TOR3A: variants seen among roughly 807,000 people sequenced by gnomAD.
The protein encoded by TOR3A is torsin-3A.
TOR3A carries 44 observed loss-of-function variants against 42.1 expected under a neutral mutation model. The ratio of observed to expected loss-of-function variants is 1.04; its 90% CI spans 0.82 to 1.34. The LOEUF (loss-of-function observed/expected upper bound fraction) is 1.34, where lower values mean the gene tolerates loss of function less well. Among genes scored for constraint, TOR3A ranks in the 40% most tolerant of loss-of-function variants. TOR3A has a pLI of 0.00. For missense variants in TOR3A, 521 were observed against 507.6 expected, an observed-to-expected ratio of 1.03 and a Z score of -0.25; for synonymous variants, 227 against 213.2, an observed-to-expected ratio of 1.06 and a Z score of -0.57.
chr1:179,087,742 G>A (rs1384444385), intron 3 of TOR3A, among the ~76,000 whole-genome samples, 169 bp from the exon 4 acceptor site: 3 of 145,966 alleles, frequency 2.1e-5, no homozygotes, highest in East Asian at 2.2e-4. Context: ...AGATGCAAAT[G>A]TCCTAGGCCC....
intron 4 of TOR3A, among the ~76,000 whole-genome samples, chr1:179,089,763 A>C (rs1652527186): frequency 6.6e-6 from 1 of 152,004 alleles, no homozygotes; most frequent in African/African-American, 2.4e-5. Flanking sequence ...AGTCCTTCCC[A>C]CGGCACGGAG....
chr1:179,083,040 C>T lies in TOR3A; in HGVS notation c.360C>T (p.Ser120=), dbSNP rs749469176. Residue 120 remains serine (S), a synonymous_variant, in exon 2 of 6, where the codon TCC becomes TCT. Coordinates refer to ENST00000367627, the MANE Select transcript of TOR3A (RefSeq NM_022371.4). ...DCCPRGDCRI[S]NNFTGLEWDL... ...GCCCTAGAGGGGATTGCAGAATCTCCAACAACTTTACAGGTTGGACCCCGC... is the reference window on the plus strand; with the variant it reads ...GCCCTAGAGGGGATTGCAGAATCTCTAACAACTTTACAGGTTGGACCCCGC... 41 of 1,549,446 alleles carry T rather than the reference C, an allele frequency of 2.6e-5. No homozygotes were observed. The highest frequency in any genetic ancestry group is 3.3e-5 in the Non-Finnish European group (38 of 1,148,126).
rs138931724 is a variant in TOR3A at position 179,087,961 on chromosome 1, C to T, written c.690C>T (p.Thr230=). 5.0e-6 allele frequency: 8 copies of T among 1,611,942 alleles called. No homozygotes were observed. Among genetic ancestry groups the T allele is most frequent in the Middle Eastern group, 1.7e-4 (1 of 6,056 alleles). Residue 230 remains threonine, a synonymous_variant, in exon 4 of 6, where the codon ACC becomes ACT. Transcript: ENST00000367627. ...IRETQQLCHQ[T]LFIFDEAEKL... The stretch of plus-strand genomic sequence containing the variant: ...AGACGCAGCAGCTCTGCCACCAGAC[C>T]CTGTTCATCTTCGATGAAGCGGAGA...
At position 179,095,830 on chromosome 1, in the gene TOR3A, A is replaced by AAAAGT. The variant is rs1005369475; in HGVS notation, c.*614_*618dup. The AAAAGT allele has an allele frequency of 2.3e-5, 23 of 986,622 alleles. No individual in the cohort carries two copies. Among genetic ancestry groups the AAAAGT allele is most frequent in the East Asian group, 1.1e-4 (1 of 8,824 alleles). The allele number at this position is 986,622 out of a possible 1,614,324, so 61.1% of individuals were successfully genotyped here. A position where few individuals can be genotyped will look rare whatever the true frequency, so the allele number is the denominator to read the frequency against. On this transcript the variant is annotated 3_prime_UTR_variant, in exon 6 of 6. Coordinates refer to ENST00000367627, the MANE Select transcript of TOR3A (RefSeq NM_022371.4). ...CAGCCAAGAGCCTGAGGCTGAAGGG[A>AAAAGT]AAAGTACACAGAGGAAGATATTTTA...
chr1:179,092,810 C>T (rs868867218), intron 4 of TOR3A, among the ~76,000 whole-genome samples: 7 of 151,930 alleles, frequency 4.6e-5, no homozygotes, highest in Middle Eastern at 3.4e-3. Flanking sequence ...CACTGCACTC[C>T]AGCCTGGGCA....
rs768567793 is a variant in TOR3A, at chr1:179,082,088, C to G, written c.-41C>G. 2.1e-6 allele frequency: 3 copies of G among 1,429,562 alleles called. No homozygotes were observed. Among genetic ancestry groups the G allele is most frequent in the Non-Finnish European group, 2.7e-6 (3 of 1,103,992 alleles). The allele number at this position is 1,429,562 out of a possible 1,614,324, so 88.6% of individuals were successfully genotyped here. ...CCGCCCCGGGCTTAAGGGAGCCTGG[C>G]TAGGCCGGCAGCCGGATGGTCCCGC... On this transcript the variant is annotated 5_prime_UTR_variant, in exon 1 of 6. Coordinates refer to ENST00000367627, the MANE Select transcript of TOR3A (RefSeq NM_022371.4).
intron 4 of TOR3A, among the ~76,000 whole-genome samples, chr1:179,089,964 C>T (rs1246555361): frequency 2.6e-5 from 4 of 152,290 alleles, no homozygotes; most frequent in Admixed American, 6.5e-5. Flanking sequence ...TAACGTGACC[C>T]GGTGACCCTG....
chr1:179,090,820 T>C (rs905545454), intron 4 of TOR3A, among the ~76,000 whole-genome samples: 1 of 152,256 alleles, frequency 6.6e-6, no homozygotes, highest in Admixed American at 6.5e-5. Flanking sequence ...CGATCGGAGC[T>C]GCTGCCCTGT....
At chr1:179,094,068 G>A in intron 4 of TOR3A, 25 bp from the exon 5 acceptor site, 1 of 1,607,734 alleles carries the variant, frequency 6.2e-7, no homozygotes, top group Non-Finnish European at 8.5e-7. Context: ...AAACAAATGG[G>A]TTAACAAGCT....
At chr1:179,091,464 G>A (rs920432455) in intron 4 of TOR3A, among the ~76,000 whole-genome samples, 2 of 152,202 alleles carry the variant, frequency 1.3e-5, no homozygotes, top group African/African-American at 4.8e-5. Context: ...AGCCTCTAAA[G>A]TGGTGGAAGA....
rs1474158246 is a variant in TOR3A, at chr1:179,095,707, G to T, written c.*489G>T. ...AGAGCCGGGGAGAACGAAGTTCTGT[G>T]ACCCAGGGGTGGAGAATACACTCTA... On this transcript the variant is annotated 3_prime_UTR_variant, in exon 6 of 6. Transcript: ENST00000367627. 4 of 995,358 alleles carry T rather than the reference G, an allele frequency of 4.0e-6. No individual in the cohort carries two copies. Among genetic ancestry groups the T allele is most frequent in the Non-Finnish European group, 4.8e-6 (4 of 835,824 alleles). The allele number at this position is 995,358 out of a possible 1,614,324, so 61.7% of individuals were successfully genotyped here.
At position 179,095,961 on chromosome 1, in the gene TOR3A, A is replaced by C; in HGVS notation, c.*743A>C. On this transcript the variant is annotated 3_prime_UTR_variant, in exon 6 of 6. Coordinates refer to ENST00000367627, the MANE Select transcript of TOR3A (RefSeq NM_022371.4). ...GGTCTTGACATGTTTGTTGTATGTA[A>C]AGATGATAAGATTAAAATTTTTGAT... The C allele has an allele frequency of 1.0e-6, 1 of 985,330 alleles. No individual in the cohort carries two copies. Among genetic ancestry groups the C allele is most frequent in the Non-Finnish European group, 1.2e-6 (1 of 829,916 alleles). The allele number at this position is 985,330 out of a possible 1,614,324, so 61.0% of individuals were successfully genotyped here.
intron 4 of TOR3A, among the ~76,000 whole-genome samples, chr1:179,090,254 G>C (rs892868733): frequency 7.2e-5 from 11 of 152,220 alleles, no homozygotes; most frequent in African/African-American, 2.4e-4. Context: ...TCTGGTGTGG[G>C]CCTGTGCCCA....
intron 1 of TOR3A, 99 bp from the exon 2 acceptor site, chr1:179,082,841 G>GGT (rs1230179019): frequency 7.4e-6 from 6 of 812,268 alleles, no homozygotes; most frequent in Non-Finnish European, 1.3e-5. Flanking sequence ...CTGAGTTCTG[G>GGT]GTGTCCCTCT....
rs1652312466 is a variant in TOR3A at position 179,082,372 on chromosome 1, G to A, written c.244G>A (p.Ala82Thr). Residue 82 changes from alanine (A) to threonine (T), a missense_variant, in exon 1 of 6, where the codon GCC becomes ACC. By Grantham distance (58) the Ala-to-Thr change is moderately conservative. Coordinates refer to ENST00000367627, the MANE Select transcript of TOR3A (RefSeq NM_022371.4). ...CGACTGTGACGAGGACGAGGAGGCA[G>A]CCACGGGGCCCCTGGGTAAGACCCC... Reference protein sequence around the residue: ...PDDCDEDEEAATGPLGWRLPL... With the variant: ...PDDCDEDEEATTGPLGWRLPL... 1.9e-6 allele frequency: 3 copies of A among 1,605,826 alleles called. No homozygotes were observed. The highest frequency in any genetic ancestry group is 1.7e-5 in the Admixed American group (1 of 59,492).
rs764916641 is a variant in TOR3A, at chr1:179,095,050, C to T, written c.1026C>T (p.His342=). Residue 342 remains histidine, a synonymous_variant, in exon 6 of 6, where the codon CAC becomes CAT. Coordinates refer to ENST00000367627, the MANE Select transcript of TOR3A (RefSeq NM_022371.4). ...FIPFLPLEYR[H]VRLCARDAFL... ...CCTTCCTGCCTTTGGAGTACCGTCA[C>T]GTGAGGCTGTGTGCACGGGATGCCT... 2.5e-5 allele frequency: 40 copies of T among 1,614,060 alleles called. No homozygotes were observed. Among genetic ancestry groups the T allele is most frequent in the African/African-American group, 4.0e-5 (3 of 74,924 alleles).
chr1:179,092,933 A>C (rs1652631260), intron 4 of TOR3A, among the ~76,000 whole-genome samples: 2 of 151,070 alleles, frequency 1.3e-5, no homozygotes, highest in Non-Finnish European at 3.0e-5. Context: ...GAGCCTGGGG[A>C]GGTGGAGGCT....
In TOR3A at chr1:179,086,622, T is replaced by C. The variant is rs1269767316; in HGVS notation, c.639+729T>C. Among the ~76,000 whole-genome samples the C allele has an allele frequency of 4.1e-5, 6 of 146,740 alleles. No individual in the cohort carries two copies. In the Admixed American group the frequency reaches 4.3e-4, roughly 10 times the overall value. On this transcript the variant is annotated intron_variant, in intron 3 of 5. Transcript: ENST00000367627. ...CGGAGCTTGCAGTGAGCCGAGATCG[T>C]GCCGCTGCACTCCAGCCTGGGCAAC...
At chr1:179,088,268 G>A in intron 4 of TOR3A, 179 bp downstream of exon 4, 1 of 600,680 alleles carries the variant, frequency 1.7e-6, no homozygotes, top group Non-Finnish European at 2.6e-6. Context: ...AGCACTTTGG[G>A]AGGCCAAGGC....
Sources: allele counts gnomAD v4.1 joint callset (sites outside exome capture counted in the v4.1 genomes callset), GRCh38; gene constraint gnomAD v4.1.1; transcripts MANE v1.5; gene names NCBI Gene and HGNC (gene_info 2026-07-23, HGNC 2026-07-21).